The following UBALD1 variants were observed in gnomAD, a reference collection of about 807,000 sequenced individuals.
UBALD1 encodes the protein UBA-like domain-containing protein 1.
Under a neutral mutation model 16.1 loss-of-function variants are expected in UBALD1, and 5 were observed. That is an observed-to-expected ratio of 0.31 (90% CI 0.16 to 0.66). The LOEUF (loss-of-function observed/expected upper bound fraction) is 0.66, where lower values mean the gene tolerates loss of function less well. Ranked by LOEUF, UBALD1 falls within the 30% of genes least tolerant of loss-of-function variation. The pLI is 0.77. For missense variants in UBALD1, 220 were observed against 252.8 expected, an observed-to-expected ratio of 0.87 and a Z score of 0.88; for synonymous variants, 146 against 105.3, an observed-to-expected ratio of 1.39 and a Z score of -2.37.
chr16:4,614,673 C>T lies in UBALD1; in HGVS notation c.120+5G>A. On this transcript the variant is annotated splice_donor_5th_base_variant and intron_variant, in intron 1 of 2. Coordinates refer to ENST00000283474, the MANE Select transcript of UBALD1 (RefSeq NM_145253.3). The stretch of plus-strand genomic sequence containing the variant: ...CGGCCCTCGCCCGGCTCCGGCGCCG[C>T]GCACCTCGAACTGCCAGTGGGCCGC... 2 of 1,530,704 alleles carry T rather than the reference C, an allele frequency of 1.3e-6. No individual in the cohort carries two copies. The highest frequency in any genetic ancestry group is 8.8e-7 in the Non-Finnish European group (1 of 1,141,512). 94.8% of individuals were successfully genotyped at this position (1,530,704 alleles called of 1,614,324 possible).
chr16:4,610,989 T>C, intron 1 of UBALD1: 1 of 362,560 alleles, frequency 2.8e-6, no homozygotes, highest in Non-Finnish European at 4.9e-6. Context: ...CCTCAACGGG[T>C]AGCAAGTCTC....
At chr16:4,614,528 G>A (rs1462146449) in intron 1 of UBALD1, 150 bp downstream of exon 1, 1 of 1,271,760 alleles carries the variant, frequency 7.9e-7, no homozygotes, top group Non-Finnish European at 1.0e-6. Flanking sequence ...TCCGGACGCC[G>A]GGCACCGCCG....
At chr16:4,612,845 C>A (rs1027264102) in intron 1 of UBALD1, among the ~76,000 whole-genome samples, 5 of 152,158 alleles carry the variant, frequency 3.3e-5, no homozygotes, top group African/African-American at 1.2e-4. Context: ...ACAGATGGCA[C>A]AACTGAGACT....
chr16:4,614,222 C>T (rs1276553567), intron 1 of UBALD1: 1 of 323,022 alleles, frequency 3.1e-6, no homozygotes, highest in East Asian at 4.8e-5. Flanking sequence ...CACAAATGCA[C>T]ATGGACGTGT....
At position 4,609,668 on chromosome 16, in the gene UBALD1, G is replaced by C. The variant is rs374788566; in HGVS notation, c.499C>G (p.Pro167Ala). The part of the protein sequence containing the change: ...PLAPQQATSE[P>A]RAHPAMEAER ...GCCTCCATGGCAGGGTGGGCCCTGG[G>C]TTCTGAGGTGGCCTGTTGGGGGGCC... The change falls in exon 3 of 3, where the codon CCC (proline) becomes GCC (alanine). Residue 167 changes from proline (P) to alanine (A), a missense_variant. Transcript: ENST00000283474. The C allele has an allele frequency of 1.4e-6, 2 of 1,461,818 alleles. No individual in the cohort carries two copies. Among genetic ancestry groups the C allele is most frequent in the Non-Finnish European group, 9.0e-7 (1 of 1,108,528 alleles). 90.6% of individuals were successfully genotyped at this position (1,461,818 alleles called of 1,614,324 possible). A position where few individuals can be genotyped will look rare whatever the true frequency, so the allele number is the denominator to read the frequency against.
At chr16:4,610,396 A>G in intron 2 of UBALD1, 97 bp downstream of exon 2, 1 of 1,344,872 alleles carries the variant, frequency 7.4e-7, no homozygotes, top group Non-Finnish European at 1.0e-6. Context: ...CGCCTGCACC[A>G]GCGCCCTCGT....
intron 1 of UBALD1, 88 bp from the exon 2 acceptor site, chr16:4,610,643 T>A: frequency 6.9e-7 from 1 of 1,453,230 alleles, no homozygotes; most frequent in Middle Eastern, 1.9e-4. Flanking sequence ...AGGCTGGGGA[T>A]GACCCTGGCT....
At position 4,610,013 on chromosome 16, in the gene UBALD1, G is replaced by A. The variant is rs781210652; in HGVS notation, c.184-30C>T. 23 of 1,513,340 alleles carry A rather than the reference G, an allele frequency of 1.5e-5. No individual in the cohort carries two copies. The South Asian group carries it at 2.4e-4, about 15-fold the overall frequency. The allele number at this position is 1,513,340 out of a possible 1,614,324, so 93.7% of individuals were successfully genotyped here. ...GAGGGGAAGAGAGGAGAGATGGGGT[G>A]AGCACCCCTTCCTGGAGGGGCCCCC... is the stretch of plus-strand genomic sequence containing the variant. On this transcript the variant is annotated intron_variant, in intron 2 of 2. Coordinates refer to ENST00000283474, the MANE Select transcript of UBALD1 (RefSeq NM_145253.3).
chr16:4,614,605 CCCCCGCCCGGCGGCCACGCGGGACACA>C (rs1005602202), intron 1 of UBALD1, 46 bp downstream of exon 1: 5 of 1,288,564 alleles, frequency 3.9e-6, no homozygotes, highest in Non-Finnish European at 4.9e-6. Context: ...ACGCCGTCCG[CCCCCGCCCGGCGGCCACGCGGGACACA>C]CTCCGCCCGT....
intron 1 of UBALD1, 138 bp from the exon 2 acceptor site, chr16:4,610,693 T>C: frequency 1.1e-6 from 1 of 939,778 alleles, no homozygotes; most frequent in Non-Finnish European, 1.6e-6. Flanking sequence ...GTGCTGAGGC[T>C]CAGTGGCTTG....
Position 4,609,295 on chromosome 16 carries a change from T to C in UBALD1, c.*338A>G. 1 of 236,486 alleles carries C rather than the reference T, an allele frequency of 4.2e-6. No individual in the cohort carries two copies. The highest frequency in any genetic ancestry group is 8.1e-6 in the Non-Finnish European group (1 of 122,906). 14.6% of individuals were successfully genotyped at this position (236,486 alleles called of 1,614,324 possible). On this transcript the variant is annotated 3_prime_UTR_variant, in exon 3 of 3. Transcript: ENST00000283474. ...GGAGCTCCAAGCCAGGGATCAGCAA[T>C]GTCTCTGCCAGGGTGGTCCTCCACG...
In UBALD1 at chr16:4,609,638, T is replaced by C; in HGVS notation, c.529A>G (p.Arg177Gly). ...GGAGGGGGGAGGGGCCTCCCTTATCTCTCTGCCTCCATGGCAGGGTGGGCC... is the reference window on the plus strand; with the variant it reads ...GGAGGGGGGAGGGGCCTCCCTTATCCCTCTGCCTCCATGGCAGGGTGGGCC... ...PRAHPAMEAE[R>G] Residue 177 changes from arginine (R) to glycine (G), a missense_variant, in exon 3 of 3, where the codon AGA becomes GGA. By Grantham distance (125) the Arg-to-Gly change is moderately radical (BLOSUM62 -2). Around this residue, in one of 2 missense-constraint regions of UBALD1, gnomAD observed 151 missense variants for 132.6 expected, o/e 1.14. Transcript: ENST00000283474. The C allele has an allele frequency of 7.2e-7, 1 of 1,395,344 alleles. No individual in the cohort carries two copies. Among genetic ancestry groups the C allele is most frequent in the Non-Finnish European group, 9.3e-7 (1 of 1,069,776 alleles). 86.4% of individuals were successfully genotyped at this position (1,395,344 alleles called of 1,614,324 possible).
chr16:4,614,610 G>C, intron 1 of UBALD1, 68 bp downstream of exon 1: 1 of 1,289,110 alleles, frequency 7.8e-7, no homozygotes, highest in Non-Finnish European at 9.8e-7. Context: ...GTCCGCCCCC[G>C]CCCGGCGGCC....
intron 1 of UBALD1, 118 bp from the exon 2 acceptor site, chr16:4,610,673 G>A (rs1336265887): frequency 1.8e-6 from 2 of 1,128,350 alleles, no homozygotes; most frequent in South Asian, 1.5e-5. Context: ...AGTGGGAGGG[G>A]TGAGTCGCGG....
chr16:4,612,517 C>T (rs1171075181), intron 1 of UBALD1, among the ~76,000 whole-genome samples: 1 of 152,076 alleles, frequency 6.6e-6, no homozygotes, highest in East Asian at 1.9e-4. Context: ...AGCAGCTGTG[C>T]CCCAAAGCCC....
chr16:4,614,835 GCCCGCGCCT>G lies in UBALD1; in HGVS notation c.-47_-39del, dbSNP rs758515090. On this transcript the variant is annotated 5_prime_UTR_variant, in exon 1 of 3. Transcript: ENST00000283474. ...CTGCCCGCTCCGGCCTCCCTCCTCC[GCCCGCGCCT>G]CCGCCTCACGCGTCCACCATTAGCG... is the stretch of plus-strand genomic sequence containing the variant. 3.4e-6 allele frequency: 5 copies of G among 1,457,622 alleles called. No individual in the cohort carries two copies. The African/African-American group carries it at 7.3e-5, about 21-fold the overall frequency. The allele number at this position is 1,457,622 out of a possible 1,614,324, so 90.3% of individuals were successfully genotyped here.
At chr16:4,610,246 G>A (rs863500) in intron 2 of UBALD1, 120,225 of 712,022 alleles carry the variant, frequency 0.17, 11,085 homozygotes, top group African/African-American at 0.23. Flanking sequence ...CAGCATCCCC[G>A]GGGGCTGTAG....
In UBALD1 at chr16:4,610,504, G is replaced by A; in HGVS notation, c.172C>T (p.His58Tyr). The change falls in exon 2 of 3, where the codon CAC (histidine) becomes TAC (tyrosine). Residue 58 changes from histidine (H) to tyrosine (Y), a missense_variant. Transcript: ENST00000283474. ...QETNIPYSHH[H>Y]HQMMCTPANT... is the part of the protein sequence containing the mutation. ...CCGGGGACACTTACCATCTGGTGGT[G>A]ATGGTGGCTGTAGGGGATGTTGGTC... 6.2e-7 allele frequency: 1 copy of A among 1,609,414 alleles called. No individual in the cohort carries two copies. Among genetic ancestry groups the A allele is most frequent in the South Asian group, 1.1e-5 (1 of 90,386 alleles).
intron 1 of UBALD1, among the ~76,000 whole-genome samples, chr16:4,613,194 G>A (rs1283892553): frequency 6.6e-6 from 1 of 152,164 alleles, no homozygotes; most frequent in Non-Finnish European, 1.5e-5. Context: ...CAGGGCTGAT[G>A]AGGGCTGTGG....
Sources: allele counts gnomAD v4.1 joint callset (sites outside exome capture counted in the v4.1 genomes callset), GRCh38; gene constraint gnomAD v4.1.1; regional missense constraint gnomAD v4.1.1; transcripts MANE v1.5; gene names NCBI Gene and HGNC (gene_info 2026-07-23, HGNC 2026-07-21).